PALM2AKAP2: variants seen among roughly 807,000 people sequenced by gnomAD.
PALM2AKAP2 encodes PALM2 and AKAP2 fusion.
Under a neutral mutation model 71.5 loss-of-function variants are expected in PALM2AKAP2, and 37 were observed. That is an observed-to-expected ratio of 0.52 (90% CI 0.40 to 0.68). PALM2AKAP2 has a LOEUF of 0.68. Ranked by LOEUF, PALM2AKAP2 falls within the 30% of genes least tolerant of loss-of-function variation. The pLI, the probability that PALM2AKAP2 is intolerant of heterozygous loss-of-function variation, is 0.00. For missense variants in PALM2AKAP2, 1,224 were observed against 1,191.8 expected, an observed-to-expected ratio of 1.03 and a Z score of -0.40; for synonymous variants, 468 against 478.8, an observed-to-expected ratio of 0.98 and a Z score of 0.29.
At chr9:109,866,264 CA>C (rs1460632180) in intron 1 of PALM2AKAP2, among the ~76,000 whole-genome samples, 1 of 152,172 alleles carries the variant, frequency 6.6e-6, no homozygotes, top group Non-Finnish European at 1.5e-5. Flanking sequence ...GCACAGCAGC[CA>C]GGCTTCCGCA....
chr9:109,878,794 G>A (rs1010444107), intron 2 of PALM2AKAP2, among the ~76,000 whole-genome samples: 2 of 152,168 alleles, frequency 1.3e-5, no homozygotes, highest in African/African-American at 2.4e-5. Context: ...CTGGAGTGCA[G>A]TGGCATGATC....
chr9:110,080,088 A>G (rs2118686056), intron 1 of PALM2AKAP2, among the ~76,000 whole-genome samples: 1 of 151,630 alleles, frequency 6.6e-6, no homozygotes, highest in Admixed American at 6.6e-5. Flanking sequence ...AAAAAAAAAA[A>G]AAAAAAATAG....
At chr9:109,705,402 G>C (rs1181679277) in intron 1 of PALM2AKAP2, among the ~76,000 whole-genome samples, 1 of 152,114 alleles carries the variant, frequency 6.6e-6, no homozygotes. Flanking sequence ...AAACAAGTGG[G>C]CTGAAATTCT....
At chr9:109,931,116 G>A (rs1229769890) in intron 5 of PALM2AKAP2, among the ~76,000 whole-genome samples, 1 of 152,162 alleles carries the variant, frequency 6.6e-6, no homozygotes, top group Non-Finnish European at 1.5e-5. Context: ...ACTTCTTTCT[G>A]GGGTGTACCC....
intron 1 of PALM2AKAP2, among the ~76,000 whole-genome samples, chr9:110,100,630 T>C (rs191125431): frequency 6.6e-6 from 1 of 152,316 alleles, no homozygotes; most frequent in East Asian, 1.9e-4. Flanking sequence ...GTCACCTGGC[T>C]TCTGATATGT....
chr9:109,785,570 A>C (rs1826939562), intron 1 of PALM2AKAP2, among the ~76,000 whole-genome samples: 1 of 152,202 alleles, frequency 6.6e-6, no homozygotes, highest in Non-Finnish European at 1.5e-5. Flanking sequence ...GAGGCCTCAC[A>C]ATCATGGCAG....
At chr9:109,885,225 AG>A in intron 3 of PALM2AKAP2, among the ~76,000 whole-genome samples, 1 of 152,308 alleles carries the variant, frequency 6.6e-6, no homozygotes, top group East Asian at 1.9e-4. Flanking sequence ...GTGGTTTGGA[AG>A]GGCGAATGTT....
At chr9:110,168,238 C>A (rs1681808566) in intron 3 of PALM2AKAP2, among the ~76,000 whole-genome samples, 161 bp from the exon 11 acceptor site, 1 of 152,176 alleles carries the variant, frequency 6.6e-6, no homozygotes, top group South Asian at 2.1e-4. Context: ...CCAGAACCTC[C>A]CATTCCCCTT....
intron 1 of PALM2AKAP2, among the ~76,000 whole-genome samples, chr9:109,819,998 T>C (rs1187470907): frequency 6.6e-6 from 1 of 152,156 alleles, no homozygotes; most frequent in Non-Finnish European, 1.5e-5. Flanking sequence ...GTTCGGAGTA[T>C]GGAATATGAT....
At chr9:109,949,908 C>T (rs942602970) in intron 6 of PALM2AKAP2, among the ~76,000 whole-genome samples, 1 of 152,154 alleles carries the variant, frequency 6.6e-6, no homozygotes, top group Non-Finnish European at 1.5e-5. Context: ...TACTATGGTG[C>T]ATTTGAGAAA....
At chr9:109,784,608 A>G (rs1826912519) in intron 1 of PALM2AKAP2, among the ~76,000 whole-genome samples, 1 of 152,378 alleles carries the variant, frequency 6.6e-6, no homozygotes, top group East Asian at 1.9e-4. Flanking sequence ...TTGAATCCTA[A>G]TAAGAAGCTT....
At chr9:109,746,636 T>C (rs1360911446) in intron 1 of PALM2AKAP2, among the ~76,000 whole-genome samples, 3 of 152,148 alleles carry the variant, frequency 2.0e-5, no homozygotes, top group Non-Finnish European at 2.9e-5. Flanking sequence ...GAGACACCAA[T>C]GATATCCCCA....
At chr9:109,685,734 G>T (rs1435104548) in intron 1 of PALM2AKAP2, among the ~76,000 whole-genome samples, 2 of 152,088 alleles carry the variant, frequency 1.3e-5, no homozygotes, top group Non-Finnish European at 2.9e-5. Flanking sequence ...GATCAGGATG[G>T]TGGTTGCCAA....
intron 1 of PALM2AKAP2, among the ~76,000 whole-genome samples, chr9:110,131,975 G>C (rs1835744018): frequency 6.6e-6 from 1 of 151,884 alleles, no homozygotes; most frequent in African/African-American, 2.4e-5. Context: ...GTATCGGAAA[G>C]GAATCATCCC....
intron 1 of PALM2AKAP2, among the ~76,000 whole-genome samples, chr9:109,812,270 G>C (rs1827744925): frequency 6.6e-6 from 1 of 152,136 alleles, no homozygotes; most frequent in African/African-American, 2.4e-5. Context: ...GAACCATGAG[G>C]GAGGGACAAC....
chr9:110,169,976 G>A (rs1836818659), exon 4 of PALM2AKAP2: 1 of 152,588 alleles, frequency 6.6e-6, no homozygotes, highest in Non-Finnish European at 1.5e-5. Context: ...GTAATATTAA[G>A]TTGACCTAAC....
chr9:109,767,989 GAGGGAGCAAAGGCAGGTAGGTAGGAAGA>G (rs1208954160), intron 1 of PALM2AKAP2, among the ~76,000 whole-genome samples: 7 of 151,914 alleles, frequency 4.6e-5, no homozygotes, highest in African/African-American at 9.7e-5. Context: ...AGGAAGGAAG[GAGGGAGCAAAGGCAGGTAGGTAGGAAGA>G]AAGGAAGGAA....
intron 3 of PALM2AKAP2, among the ~76,000 whole-genome samples, chr9:110,164,050 C>G (rs1448956824): frequency 6.6e-6 from 1 of 152,186 alleles, no homozygotes; most frequent in Non-Finnish European, 1.5e-5. Flanking sequence ...AGCTGACCTG[C>G]TGATTATCAG....
At chr9:109,835,515 C>T (rs1025943149) in intron 1 of PALM2AKAP2, among the ~76,000 whole-genome samples, 4 of 152,046 alleles carry the variant, frequency 2.6e-5, no homozygotes, top group Non-Finnish European at 2.9e-5. Flanking sequence ...CTCATTGGGG[C>T]TTGTCGGACA....
Sources: allele counts gnomAD v4.1 joint callset (sites outside exome capture counted in the v4.1 genomes callset), GRCh38; gene constraint gnomAD v4.1.1; transcripts MANE v1.5; gene names NCBI Gene and HGNC (gene_info 2026-07-23, HGNC 2026-07-21).